MIPOL1: variants seen among roughly 807,000 people sequenced by gnomAD.
MIPOL1 encodes mirror-image polydactyly 1, also known as mirror-image polydactyly gene 1 protein.
In MIPOL1, 57 loss-of-function variants were observed where a neutral mutation model predicts 60.9. The ratio of observed to expected loss-of-function variants is 0.94; its 90% CI spans 0.76 to 1.17. The LOEUF is 1.17. Among genes scored for constraint, MIPOL1 ranks in the 50% most tolerant of loss-of-function variants. The pLI, the probability that MIPOL1 is intolerant of heterozygous loss-of-function variation, is 0.00. For missense variants in MIPOL1, 551 were observed against 511.6 expected (o/e 1.08, Z -0.74); for synonymous variants, 179 against 168.8 (o/e 1.06, Z -0.47).
At chr14:37,257,302 T>C (rs996493945) in intron 3 of MIPOL1, among the ~76,000 whole-genome samples, 1 of 152,094 alleles carries the variant, frequency 6.6e-6, no homozygotes, top group African/African-American at 2.4e-5. Context: ...GCTGCTGATA[T>C]GTAAATTTAT....
chr14:37,411,964 C>T (rs1279195553), intron 10 of MIPOL1, among the ~76,000 whole-genome samples: 2 of 152,016 alleles, frequency 1.3e-5, no homozygotes, highest in Admixed American at 1.3e-4. Context: ...AGTAAGTTAT[C>T]TCTTTTTATC....
intron 3 of MIPOL1, among the ~76,000 whole-genome samples, chr14:37,263,923 GTCTTA>G (rs1368769739): frequency 6.6e-6 from 1 of 152,162 alleles, no homozygotes; most frequent in Non-Finnish European, 1.5e-5. Context: ...TTTAACATTT[GTCTTA>G]TCTTTTAAAT....
In MIPOL1 at chr14:37,285,394, G is replaced by A. The variant is rs111709590; in HGVS notation, c.570G>A (p.Glu190=). The A allele has an allele frequency of 2.2e-5, 36 of 1,613,992 alleles. No homozygotes were observed. The highest frequency in any genetic ancestry group is 1.9e-4 in the African/African-American group (14 of 75,016). Residue 190 remains glutamate (E), a synonymous_variant, in exon 7 of 13, where the codon GAG becomes GAA. Transcript: ENST00000684589. ...TGTCTAGACTGCAATTAGCCATTGA[G>A]GAGAGAGATGAAGCAATTGCACGAG... ...AVMSRLQLAI[E]ERDEAIARAK...
chr14:37,508,807 C>A lies in MIPOL1; in HGVS notation c.1262+8669C>A, dbSNP rs149147746. On this transcript the variant is annotated intron_variant, in intron 12 of 12. Coordinates refer to ENST00000684589, the MANE Select transcript of MIPOL1 (RefSeq NM_001388067.1). ...AATGCCTTTGTGTATATTGGTTCCT[C>A]TGCTCACGTAATATTATTTTAGGAT... Among the ~76,000 whole-genome samples the A allele has an allele frequency of 9.6e-3, 1,458 of 152,262 alleles. 27 individuals are homozygous for A. The highest frequency in any genetic ancestry group is 0.033 in the African/African-American group (1,378 of 41,566).
chr14:37,309,367 G>A (rs750059044), intron 9 of MIPOL1, among the ~76,000 whole-genome samples: 1 of 151,942 alleles, frequency 6.6e-6, no homozygotes, highest in African/African-American at 2.4e-5. Context: ...CACTATTGTT[G>A]TAGTCGTGTA....
At position 37,405,436 on chromosome 14, in the gene MIPOL1, G is replaced by A. The variant is rs191265749; in HGVS notation, c.937-17419G>A. Among the ~76,000 whole-genome samples, 603 of 152,124 alleles carry A rather than the reference G, an allele frequency of 4.0e-3. 2 individuals are homozygous for A. The Middle Eastern group carries it at 0.048, about 12-fold the overall frequency. On this transcript the variant is annotated intron_variant, in intron 10 of 12. Transcript: ENST00000684589. ...ATCTCTTAAAAACTTCAGTTTACTCGTTTTAATGTCTATATGCCAACTAAA... is the reference window on the plus strand; with the variant it reads ...ATCTCTTAAAAACTTCAGTTTACTCATTTTAATGTCTATATGCCAACTAAA...
chr14:37,319,754 A>G (rs1429682760), intron 9 of MIPOL1, among the ~76,000 whole-genome samples: 1 of 152,154 alleles, frequency 6.6e-6, no homozygotes, highest in Non-Finnish European at 1.5e-5. Context: ...CATCCTGATC[A>G]AGATATGGAA....
intron 3 of MIPOL1, among the ~76,000 whole-genome samples, chr14:37,250,815 T>C (rs973208439): frequency 6.6e-6 from 1 of 152,162 alleles, no homozygotes; most frequent in Non-Finnish European, 1.5e-5. Context: ...TACACAGATA[T>C]GCCTTTATTT....
intron 7 of MIPOL1, among the ~76,000 whole-genome samples, chr14:37,297,016 A>T (rs1314154010): frequency 6.6e-6 from 1 of 152,226 alleles, no homozygotes; most frequent in African/African-American, 2.4e-5. Context: ...AGAGAATTTT[A>T]GACCAATATC....
chr14:37,458,843 C>T (rs2094506545), intron 11 of MIPOL1, among the ~76,000 whole-genome samples: 2 of 127,686 alleles, frequency 1.6e-5, no homozygotes, highest in Non-Finnish European at 3.3e-5. Flanking sequence ...CAGAGAGAGA[C>T]TGTCAATAAA....
intron 11 of MIPOL1, among the ~76,000 whole-genome samples, chr14:37,475,298 T>C (rs4900889): frequency 0.57 from 86,783 of 152,014 alleles, 26,039 homozygotes; most frequent in Non-Finnish European, 0.66. Context: ...TTTTAAAGAG[T>C]TCTTTGTGTA....
chr14:37,243,947 A>G (rs545126309), intron 1 of MIPOL1, among the ~76,000 whole-genome samples: 5 of 152,014 alleles, frequency 3.3e-5, no homozygotes, highest in Non-Finnish European at 7.4e-5. Flanking sequence ...GCATAGGGAT[A>G]TTTGTTTAAA....
At chr14:37,266,048 A>G (rs2082851221) in intron 3 of MIPOL1, among the ~76,000 whole-genome samples, 2 of 152,156 alleles carry the variant, frequency 1.3e-5, no homozygotes, top group South Asian at 4.1e-4. Context: ...ATTTATTGTA[A>G]TAAAACTTCA....
chr14:37,416,009 A>G (rs2093762605), intron 10 of MIPOL1, among the ~76,000 whole-genome samples: 1 of 152,020 alleles, frequency 6.6e-6, no homozygotes, highest in Admixed American at 6.6e-5. Flanking sequence ...TCTCTCTTTT[A>G]TTTTCCTCTC....
intron 9 of MIPOL1, among the ~76,000 whole-genome samples, chr14:37,338,878 G>A (rs1003360196): frequency 2.0e-5 from 3 of 152,150 alleles, no homozygotes; most frequent in Middle Eastern, 3.2e-3. Context: ...ACACTTTAAA[G>A]CTGTCAAAGA....
intron 11 of MIPOL1, among the ~76,000 whole-genome samples, chr14:37,497,440 G>T (rs1268653180): frequency 6.6e-6 from 1 of 152,194 alleles, no homozygotes; most frequent in Non-Finnish European, 1.5e-5. Context: ...AAATATAAGG[G>T]AATGGAGTAG....
At chr14:37,544,475 G>T (rs1240045869) in intron 12 of MIPOL1, among the ~76,000 whole-genome samples, 1 of 152,184 alleles carries the variant, frequency 6.6e-6, no homozygotes, top group Non-Finnish European at 1.5e-5. Context: ...AGATATCACT[G>T]AGTAATATTT....
chr14:37,270,441 G>C lies in MIPOL1; in HGVS notation c.409G>C (p.Glu137Gln), dbSNP rs1341171469. ...NKKLQQKLAK[E>Q]DKEQRKLKFK... ...TTAGCTTCAGCAGAAATTGGCTAAA[G>C]AAGATAAAGAACAGAGAAAACTAAA... is the stretch of plus-strand genomic sequence containing the variant. Residue 137 changes from glutamate (E) to glutamine (Q), a missense_variant, in exon 6 of 13, where the codon GAA becomes CAA. Physicochemically the swap from Glu to Gln is conservative, Grantham distance 29. Coordinates refer to ENST00000684589, the MANE Select transcript of MIPOL1 (RefSeq NM_001388067.1). The C allele has an allele frequency of 6.3e-7, 1 of 1,589,290 alleles. No individual in the cohort carries two copies. The highest frequency in any genetic ancestry group is 2.3e-5 in the East Asian group (1 of 43,838).
chr14:37,349,790 G>A (rs1208668917), intron 9 of MIPOL1, among the ~76,000 whole-genome samples: 1 of 151,940 alleles, frequency 6.6e-6, no homozygotes, highest in African/African-American at 2.4e-5. Context: ...CAACTAGAAT[G>A]TGAACTCCAT....
Sources: allele counts gnomAD v4.1 joint callset (sites outside exome capture counted in the v4.1 genomes callset), GRCh38; gene constraint gnomAD v4.1.1; transcripts MANE v1.5; gene names NCBI Gene and HGNC (gene_info 2026-07-23, HGNC 2026-07-21).